The following ZBTB20 variants were observed in gnomAD, a reference collection of about 807,000 sequenced individuals.
ZBTB20 encodes zinc finger and BTB domain-containing protein 20.
A neutral mutation model predicts 56.9 loss-of-function variants in ZBTB20; 9 were observed. That is an observed-to-expected ratio of 0.16 (90% CI 0.10 to 0.28). The LOEUF (loss-of-function observed/expected upper bound fraction) is 0.28. ZBTB20 is among the 10% of genes least tolerant of loss of function. The probability of loss-of-function intolerance (pLI) is 1.00; values close to 1 mark genes in which losing one functional copy is unlikely to be tolerated. For synonymous variants in ZBTB20, 417 were observed against 420.7 expected, an observed-to-expected ratio of 0.99 and a Z score of 0.11; for missense variants, 655 against 1,003.0, an observed-to-expected ratio of 0.65 and a Z score of 4.69.
chr3:114,491,186 A>C (rs530042674), intron 7 of ZBTB20, among the ~76,000 whole-genome samples: 1 of 152,298 alleles, frequency 6.6e-6, no homozygotes, highest in Admixed American at 6.5e-5. Context: ...TAAAACTCCT[A>C]ATGCCACAAA....
chr3:114,685,495 C>T (rs1560125546), intron 6 of ZBTB20, among the ~76,000 whole-genome samples: 1 of 152,174 alleles, frequency 6.6e-6, no homozygotes, highest in African/African-American at 2.4e-5. Flanking sequence ...AGCTCTGCTA[C>T]GCAATGTGCA....
chr3:114,840,825 T>G (rs1018722587), intron 4 of ZBTB20, among the ~76,000 whole-genome samples: 2 of 152,180 alleles, frequency 1.3e-5, no homozygotes, highest in African/African-American at 4.8e-5. Context: ...CTGGAATAAC[T>G]CCTTAATACT....
chr3:114,511,316 G>C (rs1194001092), intron 6 of ZBTB20, among the ~76,000 whole-genome samples: 1 of 152,112 alleles, frequency 6.6e-6, no homozygotes, highest in Non-Finnish European at 1.5e-5. Flanking sequence ...TCATCATATT[G>C]TAAGTCTGTC....
At chr3:114,613,984 C>T (rs958695852) in intron 6 of ZBTB20, among the ~76,000 whole-genome samples, 1 of 152,044 alleles carries the variant, frequency 6.6e-6, no homozygotes, top group Non-Finnish European at 1.5e-5. Context: ...AATTTATGGT[C>T]CCCCACCTCC....
At chr3:114,989,888 A>T (rs1254335550) in intron 2 of ZBTB20, among the ~76,000 whole-genome samples, 2 of 152,132 alleles carry the variant, frequency 1.3e-5, no homozygotes, top group African/African-American at 4.8e-5. Flanking sequence ...TTCACTCATG[A>T]TCTGGCTTTC....
At chr3:114,353,443 C>T (rs1346594920) in intron 10 of ZBTB20, among the ~76,000 whole-genome samples, 2 of 152,188 alleles carry the variant, frequency 1.3e-5, no homozygotes, top group African/African-American at 2.4e-5. Flanking sequence ...ATACAATTTG[C>T]ACTAATTTGT....
intron 6 of ZBTB20, among the ~76,000 whole-genome samples, chr3:114,648,906 T>C (rs1208904965): frequency 6.6e-6 from 1 of 152,028 alleles, no homozygotes; most frequent in Non-Finnish European, 1.5e-5. Context: ...TTTTGACTAA[T>C]CAGCTGACCC....
intron 6 of ZBTB20, among the ~76,000 whole-genome samples, chr3:114,665,477 A>G (rs1013739319): frequency 2.0e-5 from 3 of 152,050 alleles, no homozygotes; most frequent in African/African-American, 7.2e-5. Flanking sequence ...TAGTTTAATT[A>G]TAAGTCTTAC....
intron 3 of ZBTB20, among the ~76,000 whole-genome samples, chr3:114,938,040 C>T (rs998825884): frequency 1.3e-5 from 2 of 151,962 alleles, no homozygotes; most frequent in Admixed American, 6.5e-5. Context: ...ATGGCGTGAA[C>T]CCAGGAGGCG....
intron 3 of ZBTB20, among the ~76,000 whole-genome samples, chr3:114,963,487 C>T (rs866607565): frequency 2.0e-5 from 3 of 152,068 alleles, no homozygotes; most frequent in South Asian, 4.1e-4. Flanking sequence ...GAAGTTTTAC[C>T]GCAACCACAT....
chr3:114,612,061 T>C (rs2057600825), intron 6 of ZBTB20, among the ~76,000 whole-genome samples: 1 of 152,238 alleles, frequency 6.6e-6, no homozygotes, highest in South Asian at 2.1e-4. Context: ...CATTGGTTGA[T>C]ATTTTTCTTC....
chr3:114,383,778 T>C (rs1184656194), intron 8 of ZBTB20: 2 of 152,222 alleles, frequency 1.3e-5, no homozygotes, highest in East Asian at 3.8e-4. Flanking sequence ...CGTCTAGACA[T>C]GCACAGGTGC....
chr3:114,668,076 G>T (rs1256683936), intron 6 of ZBTB20, among the ~76,000 whole-genome samples: 3 of 151,848 alleles, frequency 2.0e-5, no homozygotes, highest in African/African-American at 7.3e-5. Context: ...CTTTCTTTCA[G>T]ATTATTCTTC....
chr3:114,360,396 T>G (rs1448108262), intron 10 of ZBTB20, among the ~76,000 whole-genome samples: 3 of 148,718 alleles, frequency 2.0e-5, no homozygotes, highest in Admixed American at 6.9e-5. Flanking sequence ...TAGGCTGGAG[T>G]GCAGTGGCGC....
chr3:114,356,124 T>A (rs1317539889), intron 10 of ZBTB20: 1 of 152,168 alleles, frequency 6.6e-6, no homozygotes, highest in Admixed American at 6.5e-5. Context: ...ATGAAAGTCA[T>A]CATGTATTCT....
chr3:114,844,274 C>T (rs985276437), intron 4 of ZBTB20, among the ~76,000 whole-genome samples: 1 of 141,666 alleles, frequency 7.1e-6, no homozygotes, highest in South Asian at 2.2e-4. Context: ...GAAATGTAAG[C>T]TACTGTGTAG....
At chr3:114,889,384 A>T (rs1176890642) in intron 4 of ZBTB20, among the ~76,000 whole-genome samples, 1 of 152,034 alleles carries the variant, frequency 6.6e-6, no homozygotes, top group African/African-American at 2.4e-5. Flanking sequence ...TAGTCACCAA[A>T]TATTCTAAAG....
rs569818405 is a variant in ZBTB20 at position 114,487,236 on chromosome 3, T to C, written c.-255+13116A>G. Among the ~76,000 whole-genome samples the C allele has an allele frequency of 6.6e-4, 100 of 152,244 alleles. 1 individual carries two copies. The highest frequency in any genetic ancestry group is 2.3e-3 in the African/African-American group (97 of 41,546). ...GACATTTGACACTCTGAGCCCTAGG[T>C]ACACTGAGTCAGTGGCATGGTCTCC... On this transcript the variant is annotated intron_variant, in intron 7 of 11. Transcript: ENST00000675478.
chr3:114,397,603 C>A (rs1193669506), intron 7 of ZBTB20, among the ~76,000 whole-genome samples: 1 of 151,454 alleles, frequency 6.6e-6, no homozygotes, highest in Non-Finnish European at 1.5e-5. Flanking sequence ...GCATTCAACT[C>A]CTGCCCTTCA....
Sources: allele counts gnomAD v4.1 joint callset (sites outside exome capture counted in the v4.1 genomes callset), GRCh38; gene constraint gnomAD v4.1.1; transcripts MANE v1.5; gene names NCBI Gene and HGNC (gene_info 2026-07-23, HGNC 2026-07-21).